ZMYM2: variants seen among roughly 807,000 people sequenced by gnomAD.
ZMYM2 encodes zinc finger MYM-type protein 2.
A neutral mutation model predicts 162.8 loss-of-function variants in ZMYM2; 56 were observed. The observed-to-expected ratio is 0.34, with a 90% CI of 0.28 to 0.43. ZMYM2 has a LOEUF of 0.43. ZMYM2 is among the 20% of genes least tolerant of loss of function. ZMYM2 has a pLI of 1.00. For missense variants in ZMYM2, 1,275 were observed against 1,621.8 expected, an observed-to-expected ratio of 0.79 and a Z score of 3.67; for synonymous variants, 510 against 541.6, an observed-to-expected ratio of 0.94 and a Z score of 0.81.
intron 17 of ZMYM2, among the ~76,000 whole-genome samples, chr13:20,062,461 A>C (rs1265905366): frequency 6.6e-6 from 1 of 152,236 alleles, no homozygotes; most frequent in Non-Finnish European, 1.5e-5. Context: ...GAACAATCTG[A>C]GAAACCTGGG....
Position 20,036,922 on chromosome 13 carries a change from T to C in ZMYM2, c.2292+13T>C. The C allele has an allele frequency of 6.3e-7, 1 of 1,595,444 alleles. No individual in the cohort carries two copies. Among genetic ancestry groups the C allele is most frequent in the Non-Finnish European group, 8.5e-7 (1 of 1,172,128 alleles). On this transcript the variant is annotated intron_variant, in intron 12 of 24. Transcript: ENST00000610343. ...TTGGTACTACAAGGCGAGTAACTCC[T>C]TTATTACAGCAGCTACTTTAACCAG...
At chr13:19,931,279 T>A in the ZMYM2 span, among the ~76,000 whole-genome samples, 31 of 152,170 alleles carry the variant, frequency 2.0e-4, no homozygotes, top group African/African-American at 7.5e-4. Flanking sequence ...TTATTCAGTA[T>A]TTTTCCCCCC....
chr13:19,945,951 GAAA>G, the ZMYM2 span, among the ~76,000 whole-genome samples: 17 of 89,566 alleles, frequency 1.9e-4, no homozygotes, highest in Middle Eastern at 7.5e-3. Context: ...CTCCGTCTCA[GAAA>G]AAAAAAAAAA....
intron 7 of ZMYM2, among the ~76,000 whole-genome samples, chr13:20,021,346 G>A (rs1057502059): frequency 4.8e-5 from 7 of 147,002 alleles, no homozygotes; most frequent in African/African-American, 1.0e-4. Context: ...CTTCTTCTGG[G>A]TAATGAGTCA....
intron 20 of ZMYM2, 54 bp downstream of exon 20, chr13:20,067,073 T>C: frequency 1.3e-6 from 2 of 1,504,152 alleles, no homozygotes; most frequent in Non-Finnish European, 1.8e-6. Context: ...AAGATTTCTG[T>C]TATTGAGTAC....
chr13:19,961,016 C>T (rs1457234939), intron 2 of ZMYM2, among the ~76,000 whole-genome samples: 1 of 152,072 alleles, frequency 6.6e-6, no homozygotes, highest in Non-Finnish European at 1.5e-5. Context: ...CCGTTCTAGG[C>T]ACAGTCCAGG....
intron 9 of ZMYM2, among the ~76,000 whole-genome samples, chr13:20,027,581 A>T (rs1345898949): frequency 6.6e-6 from 1 of 152,116 alleles, no homozygotes; most frequent in Non-Finnish European, 1.5e-5. Context: ...GCTGATGTGT[A>T]GTTTTTTCTT....
the ZMYM2 span, among the ~76,000 whole-genome samples, chr13:19,930,967 A>G: frequency 1.3e-5 from 2 of 150,854 alleles, no homozygotes; most frequent in African/African-American, 2.4e-5. Context: ...GTGAAACCCC[A>G]TCTCTACTAA....
rs771879493 is a variant in ZMYM2, at chr13:20,031,305, G to A, written c.1852-14G>A. On this transcript the variant is annotated splice_polypyrimidine_tract_variant and intron_variant, in intron 9 of 24. Coordinates refer to ENST00000610343, the MANE Select transcript of ZMYM2 (RefSeq NM_197968.4). ...ATACATGTCAGGCTTAGTATCTTTT[G>A]TTCTTTGTTTTAGGCTCTAAGTATG... 7 of 1,573,814 alleles carry A rather than the reference G, an allele frequency of 4.4e-6. No homozygotes were observed. In the African/African-American group the frequency reaches 9.5e-5, roughly 21 times the overall value.
intron 12 of ZMYM2, among the ~76,000 whole-genome samples, chr13:20,046,564 A>AAAAAAATAT: frequency 9.6e-6 from 1 of 103,868 alleles, no homozygotes; most frequent in South Asian, 3.7e-4. Context: ...TAAAAAAAAA[A>AAAAAAATAT]ATATATATAT....
chr13:20,037,089 A>G (rs1413685500), intron 12 of ZMYM2, among the ~76,000 whole-genome samples, 180 bp downstream of exon 12: 1 of 151,964 alleles, frequency 6.6e-6, no homozygotes, highest in East Asian at 1.9e-4. Context: ...TAGCATTTTT[A>G]TCTCTTTTTT....
chr13:19,880,473 GGCAGAA>G, the ZMYM2 span, among the ~76,000 whole-genome samples: 2 of 151,664 alleles, frequency 1.3e-5, no homozygotes, highest in African/African-American at 4.9e-5. Flanking sequence ...CTGTCACCCA[GGCAGAA>G]GTGCAGTGCC....
the ZMYM2 span, among the ~76,000 whole-genome samples, chr13:19,879,604 A>G: frequency 6.6e-6 from 1 of 152,196 alleles, no homozygotes; most frequent in South Asian, 2.1e-4. Context: ...TGTTCCTTTT[A>G]AAGATTGTTT....
the ZMYM2 span, among the ~76,000 whole-genome samples, chr13:19,884,385 C>T: frequency 2.6e-5 from 4 of 151,086 alleles, no homozygotes; most frequent in African/African-American, 9.7e-5. Context: ...ACGGCCCGGG[C>T]TAACACAGTA....
At chr13:19,929,603 G>T in the ZMYM2 span, among the ~76,000 whole-genome samples, 2 of 151,748 alleles carry the variant, frequency 1.3e-5, no homozygotes, top group African/African-American at 4.8e-5. Context: ...GCCATTCTAG[G>T]ATTTCTGCAC....
chr13:20,026,651 C>T lies in ZMYM2; in HGVS notation c.1624C>T (p.Gln542Ter). Residue 542 changes from glutamine to a stop codon, truncating the protein, a stop_gained, in exon 8 of 25, where the codon CAG becomes TAG. Transcript: ENST00000610343. LOFTEE classifies it high-confidence loss of function. ...KLTTCTGCRT[Q>*]CRFFDMTQCI... is the part of the protein sequence containing the mutation. ...GACAACTTGTACTGGTTGCCGAACA[C>T]AGTGCAGGTTTTTTGATATGACTCA... The T allele has an allele frequency of 6.2e-7, 1 of 1,608,766 alleles. No homozygotes were observed. Among genetic ancestry groups the T allele is most frequent in the Non-Finnish European group, 8.5e-7 (1 of 1,178,750 alleles).
upstream of ZMYM2, among the ~76,000 whole-genome samples, chr13:19,955,682 T>C (rs1954492727): frequency 6.6e-6 from 1 of 152,166 alleles, no homozygotes; most frequent in South Asian, 2.1e-4. Flanking sequence ...AGTGCAGTGG[T>C]GCGCTCTCGG....
intron 21 of ZMYM2, chr13:20,071,880 G>T: frequency 5.3e-6 from 1 of 188,116 alleles, no homozygotes; most frequent in South Asian, 1.7e-4. Context: ...CGTTAACATT[G>T]ATGTTCGTTC....
chr13:20,033,468 T>C (rs888759466), intron 10 of ZMYM2, among the ~76,000 whole-genome samples: 1 of 152,202 alleles, frequency 6.6e-6, no homozygotes, highest in Non-Finnish European at 1.5e-5. Flanking sequence ...TACATAGTCA[T>C]AATGGGGCAA....
Sources: allele counts gnomAD v4.1 joint callset (sites outside exome capture counted in the v4.1 genomes callset), GRCh38; gene constraint gnomAD v4.1.1; transcripts MANE v1.5; gene names NCBI Gene and HGNC (gene_info 2026-07-23, HGNC 2026-07-21).